BMPR1A: variants seen among roughly 807,000 people sequenced by gnomAD.
The protein encoded by BMPR1A is bone morphogenetic protein receptor type-1A.
BMPR1A carries 7 observed loss-of-function variants against 66.0 expected under a neutral mutation model. That is an observed-to-expected ratio of 0.11 (90% CI 0.06 to 0.20). The LOEUF (loss-of-function observed/expected upper bound fraction) is 0.20. BMPR1A is among the 10% of genes least tolerant of loss of function. BMPR1A has a pLI of 1.00. For synonymous variants in BMPR1A, 200 were observed against 229.7 expected, an observed-to-expected ratio of 0.87 and a Z score of 1.17; for missense variants, 408 against 669.1, an observed-to-expected ratio of 0.61 and a Z score of 4.31.
At chr10:86,781,765 A>C (rs1841440041) in intron 1 of BMPR1A, among the ~76,000 whole-genome samples, 1 of 151,856 alleles carries the variant, frequency 6.6e-6, no homozygotes, top group African/African-American at 2.4e-5. Context: ...ATGTAAGTGG[A>C]ATTATGCAGT....
At chr10:86,862,460 C>T (rs1185859823) in intron 2 of BMPR1A, among the ~76,000 whole-genome samples, 2 of 152,078 alleles carry the variant, frequency 1.3e-5, no homozygotes, top group African/African-American at 4.8e-5. Flanking sequence ...AGTTGGAGCA[C>T]CGTTGGAGGG....
intron 1 of BMPR1A, among the ~76,000 whole-genome samples, chr10:86,828,985 TG>T (rs1320710552): frequency 1.3e-5 from 2 of 152,096 alleles, no homozygotes. Flanking sequence ...GGTGATTTTC[TG>T]GGGTTCAGTC....
chr10:86,915,055 C>T (rs1222335440), intron 8 of BMPR1A, among the ~76,000 whole-genome samples: 1 of 152,178 alleles, frequency 6.6e-6, no homozygotes, highest in East Asian at 1.9e-4. Context: ...ACACATGTAG[C>T]AGCAACAGTG....
At position 86,926,437 on chromosome 10, in the gene BMPR1A, T is replaced by A. The variant is rs111972132; in HGVS notation, c.*2718T>A. ...CGGGAGGCTGAAGCAGGAGAATTGC[T>A]TAAAATCAGAAGGTGGAGGTTGCAG... On this transcript the variant is annotated 3_prime_UTR_variant, in exon 13 of 13. Coordinates refer to ENST00000372037, the MANE Select transcript of BMPR1A (RefSeq NM_004329.3). 11,798 of 157,398 alleles carry A rather than the reference T, an allele frequency of 0.075. 1,253 individuals carry two copies. Among genetic ancestry groups the A allele is most frequent in the African/African-American group, 0.24 (9,889 of 41,652 alleles). The allele number at this position is 157,398 out of a possible 1,614,324, so 9.8% of individuals were successfully genotyped here.
intron 1 of BMPR1A, among the ~76,000 whole-genome samples, chr10:86,810,831 A>T (rs1225304151): frequency 6.6e-6 from 1 of 152,180 alleles, no homozygotes; most frequent in Non-Finnish European, 1.5e-5. Context: ...GATTTACAAA[A>T]ATTTTCTACC....
At chr10:86,855,385 A>G in intron 2 of BMPR1A, 1 of 838,268 alleles carries the variant, frequency 1.2e-6, no homozygotes, top group Non-Finnish European at 1.9e-6. Context: ...TGACTTAGAA[A>G]CTTGGTTTGA....
intron 1 of BMPR1A, among the ~76,000 whole-genome samples, chr10:86,834,899 A>G (rs1258083713): frequency 2.6e-5 from 4 of 151,926 alleles, no homozygotes. Context: ...GAATGCAACT[A>G]TAGTGTTTGC....
chr10:86,906,723 C>CAAAA lies in BMPR1A; in HGVS notation c.531-5481_531-5478dup, dbSNP rs929716555. Among the ~76,000 whole-genome samples the CAAAA allele has an allele frequency of 3.3e-3, 35 of 10,698 alleles. 12 individuals are homozygous for CAAAA. Among genetic ancestry groups the CAAAA allele is most frequent in the Non-Finnish European group, 3.6e-3 (31 of 8,572 alleles). 7.0% of individuals were successfully genotyped at this position (10,698 alleles called of 152,430 possible). On this transcript the variant is annotated intron_variant, in intron 7 of 12. Transcript: ENST00000372037. ...TGGGCGACAGAGTGAGACTCCGTCT[C>CAAAA]AAAAAAAAAAAAAAAAAAAAAAAAA... is the stretch of plus-strand genomic sequence containing the variant.
chr10:86,855,229 CT>C, intron 2 of BMPR1A: 1 of 993,776 alleles, frequency 1.0e-6, no homozygotes, highest in Non-Finnish European at 1.4e-6. Context: ...ACCAGAGAGG[CT>C]TCAGGTTTCA....
At chr10:86,899,695 T>G in intron 5 of BMPR1A, 99 bp from the exon 6 acceptor site, 1 of 1,249,098 alleles carries the variant, frequency 8.0e-7, no homozygotes, top group Non-Finnish European at 1.1e-6. Flanking sequence ...CAGGCCCCTT[T>G]CACTCACTGA....
chr10:86,918,893 AG>A (rs1349903430), intron 9 of BMPR1A, among the ~76,000 whole-genome samples: 1 of 152,150 alleles, frequency 6.6e-6, no homozygotes. Context: ...AAAGTGATAC[AG>A]GTGTGAGCCA....
chr10:86,883,871 C>CTTT (rs111255462), intron 3 of BMPR1A, among the ~76,000 whole-genome samples: 3 of 135,250 alleles, frequency 2.2e-5, no homozygotes, highest in Non-Finnish European at 1.6e-5. Flanking sequence ...GAGCGTATGA[C>CTTT]TTTTTTTTTT....
chr10:86,806,418 T>G (rs1388445481), intron 1 of BMPR1A, among the ~76,000 whole-genome samples: 1 of 152,184 alleles, frequency 6.6e-6, no homozygotes, highest in Non-Finnish European at 1.5e-5. Flanking sequence ...TTTTTCCACT[T>G]TCATCACTAG....
At chr10:86,874,404 CT>C (rs1049709767) in intron 2 of BMPR1A, among the ~76,000 whole-genome samples, 2 of 133,882 alleles carry the variant, frequency 1.5e-5, no homozygotes, top group African/African-American at 5.1e-5. Context: ...CTCCCCTCCC[CT>C]CCTCTCCTCT....
At chr10:86,778,400 T>C (rs1841386233) in intron 1 of BMPR1A, among the ~76,000 whole-genome samples, 1 of 151,984 alleles carries the variant, frequency 6.6e-6, no homozygotes, top group Non-Finnish European at 1.5e-5. Context: ...TGCCTTGGCC[T>C]CCCAAAGTGC....
At chr10:86,810,093 C>G (rs983735327) in intron 1 of BMPR1A, among the ~76,000 whole-genome samples, 1 of 151,960 alleles carries the variant, frequency 6.6e-6, no homozygotes, top group African/African-American at 2.4e-5. Context: ...GTCTCAGCTT[C>G]CCGAGTAGCT....
chr10:86,827,283 T>A (rs1248549529), intron 1 of BMPR1A, among the ~76,000 whole-genome samples: 4 of 152,186 alleles, frequency 2.6e-5, no homozygotes, highest in African/African-American at 9.6e-5. Context: ...CTGTATATAT[T>A]CTTCTTGGGC....
chr10:86,904,959 A>G (rs1345066635), intron 7 of BMPR1A, among the ~76,000 whole-genome samples: 1 of 152,192 alleles, frequency 6.6e-6, no homozygotes, highest in Non-Finnish European at 1.5e-5. Flanking sequence ...GTAATTTGGA[A>G]TATTCATTCA....
chr10:86,811,752 T>C (rs1346752258), intron 1 of BMPR1A, among the ~76,000 whole-genome samples: 6 of 152,196 alleles, frequency 3.9e-5, no homozygotes, highest in Admixed American at 2.0e-4. Flanking sequence ...TAGGTCTTCA[T>C]TGGGGTTTGC....
Sources: allele counts gnomAD v4.1 joint callset (sites outside exome capture counted in the v4.1 genomes callset), GRCh38; gene constraint gnomAD v4.1.1; transcripts MANE v1.5; gene names NCBI Gene and HGNC (gene_info 2026-07-23, HGNC 2026-07-21).